ACTR10: variants seen among roughly 807,000 people sequenced by gnomAD.
ACTR10 encodes actin related protein 10, also known as actin-related protein 10.
ACTR10 carries 43 observed loss-of-function variants against 56.2 expected under a neutral mutation model. That is an observed-to-expected ratio of 0.77 (90% confidence interval 0.60 to 0.99). The LOEUF is 0.99. Among genes scored for constraint, ACTR10 ranks in the 50% least tolerant of loss-of-function variants. ACTR10 has a pLI of 0.00. For synonymous variants in ACTR10, 170 were observed against 176.3 expected (o/e 0.96, Z 0.28); for missense variants, 466 against 507.8 (o/e 0.92, Z 0.79).
At chr14:58,225,608 ATTAC>A (rs1442107697) in intron 10 of ACTR10, among the ~76,000 whole-genome samples, 4 of 152,194 alleles carry the variant, frequency 2.6e-5, no homozygotes, top group African/African-American at 7.2e-5. Flanking sequence ...TATTTATTAA[ATTAC>A]TTTTTAAAAT....
intron 1 of ACTR10, among the ~76,000 whole-genome samples, chr14:58,201,364 G>C (rs1888700042): frequency 6.6e-6 from 1 of 152,132 alleles, no homozygotes; most frequent in African/African-American, 2.4e-5. Flanking sequence ...TATTTTGGCT[G>C]TACTTGGAAG....
intron 8 of ACTR10, among the ~76,000 whole-genome samples, chr14:58,222,764 G>GAAAAAAAAAAAAAAAAAAAAAA (rs58412717): frequency 2.6e-5 from 2 of 76,342 alleles, no homozygotes; most frequent in Non-Finnish European, 2.6e-5. Flanking sequence ...GACTCTGTCA[G>GAAAAAAAAAAAAAAAAAAAAAA]AAAAAAAAAA....
intron 11 of ACTR10, among the ~76,000 whole-genome samples, chr14:58,231,484 G>A (rs921715737): frequency 9.2e-5 from 14 of 152,052 alleles, no homozygotes; most frequent in African/African-American, 2.2e-4. Context: ...TGTCTCTTTC[G>A]TTTAATGACT....
chr14:58,209,212 G>A (rs1164268739), intron 4 of ACTR10, 105 bp downstream of exon 4: 5 of 766,474 alleles, frequency 6.5e-6, no homozygotes, highest in Non-Finnish European at 8.1e-6. Flanking sequence ...TTTTTTTGTT[G>A]GTAGGTACTC....
chr14:58,215,920 G>T (rs904825590), intron 7 of ACTR10, among the ~76,000 whole-genome samples: 1 of 150,518 alleles, frequency 6.6e-6, no homozygotes, highest in African/African-American at 2.4e-5. Flanking sequence ...AAAACTGGAA[G>T]TTAGCCTTTC....
rs778417136 is a variant in ACTR10, at chr14:58,213,627, A to T, written c.451-4A>T. 1.4e-5 allele frequency: 23 copies of T among 1,605,150 alleles called. No individual in the cohort carries two copies. Among genetic ancestry groups the T allele is most frequent in the South Asian group, 2.2e-5 (2 of 90,520 alleles). ...AAATAGTAGTATCCTTGACTACTCT[A>T]TAGATATATGAAGGAATCCCAGTTC... On this transcript the variant is annotated splice_polypyrimidine_tract_variant and splice_region_variant and intron_variant, in intron 5 of 12. Coordinates refer to ENST00000254286, the MANE Select transcript of ACTR10 (RefSeq NM_018477.3).
chr14:58,211,435 T>A, intron 5 of ACTR10, 36 bp downstream of exon 5: 1 of 1,423,016 alleles, frequency 7.0e-7, no homozygotes, highest in East Asian at 2.3e-5. Context: ...TTTGCAGTTT[T>A]TACTCTACTT....
At chr14:58,211,852 G>A (rs1398908941) in intron 5 of ACTR10, among the ~76,000 whole-genome samples, 6 of 151,890 alleles carry the variant, frequency 4.0e-5, no homozygotes, top group African/African-American at 1.2e-4. Flanking sequence ...AGACAGGAGA[G>A]TGGCGTGAAC....
At chr14:58,217,570 G>A (rs1594809121) in intron 7 of ACTR10, among the ~76,000 whole-genome samples, 1 of 151,762 alleles carries the variant, frequency 6.6e-6, no homozygotes, top group African/African-American at 2.4e-5. Flanking sequence ...GGAGGCTGAG[G>A]CAGGAGAATC....
At position 58,223,859 on chromosome 14, in the gene ACTR10, T is replaced by G. The variant is rs749711427; in HGVS notation, c.788+3T>G. On this transcript the variant is annotated splice_donor_region_variant and intron_variant, in intron 10 of 12. Coordinates refer to ENST00000254286, the MANE Select transcript of ACTR10 (RefSeq NM_018477.3). ...TTACATATCCTTGGATCAATCAGGT[T>G]AGATCTTAAATTTTTACGGCAAAGT... The G allele has an allele frequency of 3.7e-6, 6 of 1,601,146 alleles. No individual in the cohort carries two copies. In the African/African-American group the frequency reaches 8.1e-5, roughly 22 times the overall value.
At chr14:58,203,512 A>G (rs1383131607) in intron 2 of ACTR10, among the ~76,000 whole-genome samples, 1 of 152,094 alleles carries the variant, frequency 6.6e-6, no homozygotes, top group Non-Finnish European at 1.5e-5. Context: ...GTTTACAATT[A>G]ATCCTCATTC....
chr14:58,225,347 A>G (rs1443061355), intron 10 of ACTR10, among the ~76,000 whole-genome samples: 1 of 152,224 alleles, frequency 6.6e-6, no homozygotes, highest in East Asian at 1.9e-4. Flanking sequence ...ACATTTGTTT[A>G]TAATGCAACT....
In ACTR10 at chr14:58,209,087, G is replaced by A; in HGVS notation, c.322G>A (p.Val108Ile). The change falls in exon 4 of 13, where the codon GTT becomes ATT. Residue 108 changes from valine to isoleucine, a missense_variant. Coordinates refer to ENST00000254286, the MANE Select transcript of ACTR10 (RefSeq NM_018477.3). ...TCACTTCAGAGAGACACTCACTCGTGTTCTTTTCAAATATTTTGAGGTACC... is the reference window on the plus strand; with the variant it reads ...TCACTTCAGAGAGACACTCACTCGTATTCTTTTCAAATATTTTGAGGTACC... ...PSHFRETLTR[V>I]LFKYFEVPSV... 1.3e-6 allele frequency: 2 copies of A among 1,591,294 alleles called. No homozygotes were observed. The highest frequency in any genetic ancestry group is 1.7e-6 in the Non-Finnish European group (2 of 1,168,232).
chr14:58,232,812 C>T (rs1241738859), intron 12 of ACTR10, among the ~76,000 whole-genome samples: 1 of 151,754 alleles, frequency 6.6e-6, no homozygotes, highest in East Asian at 1.9e-4. Context: ...TAGTTAAAGT[C>T]ATCCCTCAAA....
chr14:58,229,020 A>C (rs1047360352), intron 10 of ACTR10, among the ~76,000 whole-genome samples: 1 of 152,174 alleles, frequency 6.6e-6, no homozygotes, highest in Non-Finnish European at 1.5e-5. Context: ...ATGGTTAAAC[A>C]TCTTATATAA....
rs1889380352 is a variant in ACTR10 at position 58,225,709 on chromosome 14, C to T, written c.788+1853C>T. 2.7e-5 allele frequency among the ~76,000 whole-genome samples: 4 copies of T among 150,746 alleles called. No homozygotes were observed. In the South Asian group the frequency reaches 8.4e-4, roughly 31 times the overall value. On this transcript the variant is annotated intron_variant, in intron 10 of 12. Transcript: ENST00000254286. ...CAGAGGCCAGGCATGGTAGTTCACA[C>T]TTCTTTTTTTTTTTTTCTTGAGACG...
At chr14:58,223,757 T>C (rs1364039265) in intron 9 of ACTR10, 26 bp from the exon 10 acceptor site, 3 of 1,609,000 alleles carry the variant, frequency 1.9e-6, no homozygotes, top group Non-Finnish European at 2.5e-6. Context: ...ATGTGTGGAC[T>C]TATGTTTATG....
chr14:58,215,104 C>CA (rs923410330), intron 6 of ACTR10, 101 bp from the exon 7 acceptor site: 11,051 of 639,708 alleles, frequency 0.017, no homozygotes, highest in Middle Eastern at 0.021. Context: ...AGACTGTCTC[C>CA]AAAAAAAAAA....
rs1889627345 is a variant in ACTR10 at position 58,234,503 on chromosome 14, G to GAA, written c.1209_1210dup (p.Thr404LysfsTer6). ...CTTTGGAAATGATGTTTGATGTCGGGAAAACTCAACCACCTCTGATGAAGA... is the reference window on the plus strand; with the variant it reads ...CTTTGGAAATGATGTTTGATGTCGGGAAAAAACTCAACCACCTCTGATGAAGA... On this transcript the variant is annotated frameshift_variant, in exon 13 of 13. Transcript: ENST00000254286. LOFTEE classifies it high-confidence loss of function. 1.9e-6 allele frequency: 3 copies of GAA among 1,613,578 alleles called. No individual in the cohort carries two copies. Among genetic ancestry groups the GAA allele is most frequent in the Non-Finnish European group, 2.5e-6 (3 of 1,179,796 alleles).
Sources: gnomAD v4.1 joint callset for allele counts (sites outside exome capture counted in the v4.1 genomes callset) on GRCh38, gnomAD v4.1.1 for gene constraint, MANE v1.5 for transcripts, NCBI Gene and HGNC (gene_info 2026-07-23, HGNC 2026-07-21) for gene names.